ROBO1: variants seen among roughly 807,000 people sequenced by gnomAD.
The protein encoded by ROBO1 is roundabout homolog 1.
ROBO1 carries 149 observed loss-of-function variants against 195.9 expected under a neutral mutation model. The observed-to-expected ratio is 0.76, with a 90% CI of 0.67 to 0.87. The LOEUF (loss-of-function observed/expected upper bound fraction) is 0.87, where lower values mean the gene tolerates loss of function less well. Among genes scored for constraint, ROBO1 ranks in the 40% least tolerant of loss-of-function variants. ROBO1 has a pLI of 0.00. For missense variants in ROBO1, 1,933 were observed against 2,068.3 expected, an observed-to-expected ratio of 0.93 and a Z score of 1.27; for synonymous variants, 816 against 733.2, an observed-to-expected ratio of 1.11 and a Z score of -1.82.
chr3:78,975,533 C>T (rs1293238632), intron 3 of ROBO1, among the ~76,000 whole-genome samples: 1 of 152,000 alleles, frequency 6.6e-6, no homozygotes, highest in Admixed American at 6.6e-5. Flanking sequence ...TGACCAGTTT[C>T]TTAACCTTAG....
intron 2 of ROBO1, among the ~76,000 whole-genome samples, chr3:79,440,259 G>A (rs2039009959): frequency 6.6e-6 from 1 of 151,910 alleles, no homozygotes; most frequent in African/African-American, 2.4e-5. Context: ...TCATGAAAAG[G>A]TTTCTGATCA....
intron 1 of ROBO1, among the ~76,000 whole-genome samples, chr3:79,616,085 T>C (rs1944810749): frequency 6.6e-6 from 1 of 152,174 alleles, no homozygotes; most frequent in Non-Finnish European, 1.5e-5. Flanking sequence ...GGAGAGCTAG[T>C]CTACCCTCAT....
At chr3:79,563,673 TTG>T (rs1942998591) in intron 2 of ROBO1, among the ~76,000 whole-genome samples, 1 of 152,080 alleles carries the variant, frequency 6.6e-6, no homozygotes, top group Non-Finnish European at 1.5e-5. Context: ...TGTAATATTT[TTG>T]TGTGTCATAA....
chr3:79,500,074 C>T (rs1939974910), intron 2 of ROBO1, among the ~76,000 whole-genome samples: 1 of 147,582 alleles, frequency 6.8e-6, no homozygotes, highest in African/African-American at 2.5e-5. Flanking sequence ...TCTCAAAGTG[C>T]TGAGATTACA....
intron 2 of ROBO1, among the ~76,000 whole-genome samples, chr3:79,349,156 T>C (rs73125257): frequency 0.011 from 1,671 of 152,210 alleles, 17 homozygotes; most frequent in Non-Finnish European, 0.013. Context: ...GAATTATGGG[T>C]TTAATTTATA....
Position 78,617,855 on chromosome 3 carries a change from T to C in ROBO1, c.4062A>G (p.Thr1354=), listed in dbSNP as rs1575783398. 1 of 1,613,968 alleles carries C rather than the reference T, an allele frequency of 6.2e-7. No homozygotes were observed. ...RRLLLRGLEQ[T]PASSVGDLES... ...CCAGGTCCCCAACACTGGAGGCAGGTGTCTGCTCAAGCCCACGTAACAAAA... is the reference window on the plus strand; with the variant it reads ...CCAGGTCCCCAACACTGGAGGCAGGCGTCTGCTCAAGCCCACGTAACAAAA... Residue 1354 remains threonine (T), a synonymous_variant, in exon 27 of 31, where the codon ACA becomes ACG. Transcript: ENST00000464233.
rs1358284975 is a variant in ROBO1, at chr3:79,707,000, G to A, written c.-51+60752C>T. Among the ~76,000 whole-genome samples the A allele has an allele frequency of 2.6e-5, 4 of 152,158 alleles. No individual in the cohort carries two copies. In the East Asian group the frequency reaches 5.8e-4, roughly 22 times the overall value. ...TGCTATGTTTGGTTTTAATAATAGA[G>A]TGACACTGGACTTATAGAATAATTA... On this transcript the variant is annotated intron_variant, in intron 1 of 30. Transcript: ENST00000464233.
intron 2 of ROBO1, among the ~76,000 whole-genome samples, chr3:79,171,951 C>T (rs1392195962): frequency 3.3e-5 from 5 of 151,982 alleles, no homozygotes; most frequent in African/African-American, 1.2e-4. Flanking sequence ...AAAACATTTA[C>T]AACCATAAAA....
At chr3:79,641,104 C>A (rs1945645955) in intron 1 of ROBO1, among the ~76,000 whole-genome samples, 1 of 152,032 alleles carries the variant, frequency 6.6e-6, no homozygotes. Context: ...AAAGGAGTAG[C>A]AAAAGTGGTA....
At chr3:79,401,679 A>T (rs1305645885) in intron 2 of ROBO1, among the ~76,000 whole-genome samples, 1 of 151,920 alleles carries the variant, frequency 6.6e-6, no homozygotes, top group Non-Finnish European at 1.5e-5. Context: ...TAAATCAGAG[A>T]TCAGTGTACT....
intron 19 of ROBO1, among the ~76,000 whole-genome samples, chr3:78,650,992 TA>T (rs1187013844): frequency 6.6e-6 from 1 of 152,072 alleles, no homozygotes; most frequent in Non-Finnish European, 1.5e-5. Context: ...CCTTTGAGAA[TA>T]AAAAACACAA....
chr3:78,998,310 C>A (rs1017640017), intron 3 of ROBO1, among the ~76,000 whole-genome samples: 1 of 152,032 alleles, frequency 6.6e-6, no homozygotes, highest in Non-Finnish European at 1.5e-5. Context: ...ATAGTAATAA[C>A]GACGGCAAAA....
intron 2 of ROBO1, among the ~76,000 whole-genome samples, chr3:79,421,157 T>A (rs539115474): frequency 4.7e-4 from 72 of 151,978 alleles, no homozygotes; most frequent in Non-Finnish European, 8.5e-4. Flanking sequence ...CACTTACAAG[T>A]GAGAGCTTTA....
intron 28 of ROBO1, among the ~76,000 whole-genome samples, chr3:78,612,482 C>T (rs568545767): frequency 5.3e-4 from 81 of 152,114 alleles, no homozygotes; most frequent in African/African-American, 1.9e-3. Flanking sequence ...AAATAATTTC[C>T]GAAAAAATGG....
chr3:79,082,096 C>A (rs2079285249), intron 3 of ROBO1, among the ~76,000 whole-genome samples: 1 of 152,042 alleles, frequency 6.6e-6, no homozygotes, highest in South Asian at 2.1e-4. Flanking sequence ...CTTATAAATT[C>A]AAAGACTTTT....
chr3:79,226,087 G>A (rs2082222464), intron 2 of ROBO1, among the ~76,000 whole-genome samples: 1 of 152,044 alleles, frequency 6.6e-6, no homozygotes, highest in Admixed American at 6.5e-5. Flanking sequence ...TATGAACACT[G>A]TCCACTTTAT....
intron 3 of ROBO1, among the ~76,000 whole-genome samples, chr3:79,117,746 C>A (rs1039464736): frequency 6.6e-6 from 1 of 152,140 alleles, no homozygotes; most frequent in Admixed American, 6.5e-5. Flanking sequence ...TAGACACATA[C>A]GTACTTTTCA....
At chr3:79,483,667 G>T (rs73131033) in intron 2 of ROBO1, among the ~76,000 whole-genome samples, 10,094 of 152,240 alleles carry the variant, frequency 0.066, 414 homozygotes, top group East Asian at 0.15. Flanking sequence ...GTAAGTATTT[G>T]TGTAGGTAAA....
intron 3 of ROBO1, among the ~76,000 whole-genome samples, chr3:78,972,447 T>C (rs1241200833): frequency 6.6e-6 from 1 of 152,220 alleles, no homozygotes; most frequent in African/African-American, 2.4e-5. Flanking sequence ...GATATAATAT[T>C]ATGACAATGA....
Sources: gnomAD v4.1 joint callset for allele counts (sites outside exome capture counted in the v4.1 genomes callset) on GRCh38, gnomAD v4.1.1 for gene constraint, MANE v1.5 for transcripts, NCBI Gene and HGNC (gene_info 2026-07-23, HGNC 2026-07-21) for gene names.